The following OR9Q1 variants were observed in gnomAD, a reference collection of about 807,000 sequenced individuals.
The protein encoded by OR9Q1 is olfactory receptor family 9 subfamily Q member 1.
For missense variants in OR9Q1, 374 were observed against 378.8 expected (o/e 0.99, Z 0.11); for synonymous variants, 153 against 148.6 (o/e 1.03, Z -0.22).
chr11:58,044,645 CCT>C (rs1328292068), intron 1 of OR9Q1: 2 of 152,334 alleles, frequency 1.3e-5, no homozygotes, highest in African/African-American at 4.8e-5. Flanking sequence ...CTTTCATTTT[CCT>C]CTTTCTCCAT....
chr11:58,151,626 G>A (rs757992202), intron 2 of OR9Q1, among the ~76,000 whole-genome samples: 13 of 152,124 alleles, frequency 8.5e-5, no homozygotes, highest in Non-Finnish European at 1.2e-4. Context: ...GGATGAATGT[G>A]AACTAAAAAT....
chr11:58,054,878 C>T (rs375627594), intron 1 of OR9Q1, among the ~76,000 whole-genome samples: 46 of 152,274 alleles, frequency 3.0e-4, no homozygotes, highest in Admixed American at 7.8e-4. Flanking sequence ...GAGCCAAGAT[C>T]GCACCACTGC....
At chr11:58,121,156 A>G (rs1239621101) in intron 2 of OR9Q1, among the ~76,000 whole-genome samples, 1 of 142,502 alleles carries the variant, frequency 7.0e-6, no homozygotes, top group African/African-American at 2.4e-5. Context: ...CAAGTCAAAT[A>G]AATGCTCCTT....
intron 2 of OR9Q1, among the ~76,000 whole-genome samples, chr11:58,111,923 A>G (rs972099649): frequency 7.2e-5 from 11 of 152,092 alleles, no homozygotes; most frequent in Admixed American, 2.6e-4. Context: ...TATGTAATCT[A>G]TGCTTCAGGA....
chr11:58,037,648 A>G (rs2119929980), intron 1 of OR9Q1, among the ~76,000 whole-genome samples: 1 of 84,474 alleles, frequency 1.2e-5, no homozygotes, highest in East Asian at 3.4e-4. Flanking sequence ...CTTCTTAAAG[A>G]ATAACTATAT....
At chr11:58,161,063 G>T (rs1239142955) in intron 2 of OR9Q1, among the ~76,000 whole-genome samples, 2 of 151,524 alleles carry the variant, frequency 1.3e-5, no homozygotes, top group Non-Finnish European at 2.9e-5. Flanking sequence ...GGGGACACAG[G>T]GCGGGGAACA....
At chr11:58,038,765 T>A (rs747108420) in intron 1 of OR9Q1, among the ~76,000 whole-genome samples, 4 of 152,200 alleles carry the variant, frequency 2.6e-5, no homozygotes, top group Non-Finnish European at 5.9e-5. Context: ...TGGTCTCTCT[T>A]TTATGGCTCC....
At chr11:58,094,956 ACT>A (rs1344053584) in intron 2 of OR9Q1, among the ~76,000 whole-genome samples, 1 of 152,168 alleles carries the variant, frequency 6.6e-6, no homozygotes, top group African/African-American at 2.4e-5. Context: ...GGGATGATAG[ACT>A]CTGACAAACA....
chr11:58,122,440 C>A (rs567401474), intron 2 of OR9Q1, among the ~76,000 whole-genome samples: 2 of 152,280 alleles, frequency 1.3e-5, no homozygotes, highest in Admixed American at 6.5e-5. Flanking sequence ...ATGGACTTCG[C>A]TTTCTATTCT....
chr11:58,085,502 A>C (rs983083625), intron 2 of OR9Q1, among the ~76,000 whole-genome samples: 4 of 151,838 alleles, frequency 2.6e-5, no homozygotes, highest in African/African-American at 9.7e-5. Flanking sequence ...AGATTTCTAT[A>C]AGTTATTCAT....
chr11:58,152,530 T>C (rs1474631501), intron 2 of OR9Q1, among the ~76,000 whole-genome samples: 1 of 152,226 alleles, frequency 6.6e-6, no homozygotes, highest in Non-Finnish European at 1.5e-5. Flanking sequence ...CTCATTTGTT[T>C]GCATCATTTA....
chr11:58,088,774 GC>G (rs2120059452), intron 2 of OR9Q1, among the ~76,000 whole-genome samples: 1 of 151,838 alleles, frequency 6.6e-6, no homozygotes, highest in East Asian at 1.9e-4. Context: ...TCTGTAGGTT[GC>G]CTGTTCACTC....
intron 2 of OR9Q1, among the ~76,000 whole-genome samples, chr11:58,066,114 C>T (rs2443449): frequency 0.67 from 100,367 of 149,958 alleles, 34,077 homozygotes; most frequent in Middle Eastern, 0.79. Flanking sequence ...CTCCCTCCCT[C>T]CTTCTCTCCC....
At chr11:58,065,660 A>G (rs77814412) in intron 2 of OR9Q1, among the ~76,000 whole-genome samples, 25,907 of 152,122 alleles carry the variant, frequency 0.17, 2,343 homozygotes, top group Non-Finnish European at 0.21. Flanking sequence ...CTTGCCTCTC[A>G]TGGCTTTAGT....
intron 2 of OR9Q1, among the ~76,000 whole-genome samples, chr11:58,082,357 C>T (rs1853595796): frequency 4.6e-5 from 7 of 151,944 alleles, no homozygotes; most frequent in Admixed American, 2.6e-4. Context: ...AAATGTCCAA[C>T]AATGATAGAC....
Position 58,142,285 on chromosome 11 carries a change from T to C in OR9Q1, c.-14-37146T>C, listed in dbSNP as rs115065189. Among the ~76,000 whole-genome samples the C allele has an allele frequency of 9.4e-3, 1,429 of 152,252 alleles. 17 individuals are homozygous for C. Among genetic ancestry groups the C allele is most frequent in the African/African-American group, 0.033 (1,352 of 41,552 alleles). ...GAATGAGCATGAAGGCAGGACCCTT[T>C]GTTTTGTTCCAAGCAACTAGAAAAG... On this transcript the variant is annotated intron_variant, in intron 2 of 2. Coordinates refer to ENST00000335397, the MANE Select transcript of OR9Q1 (RefSeq NM_001005212.4).
At chr11:58,126,857 T>C (rs1183315108) in intron 2 of OR9Q1, among the ~76,000 whole-genome samples, 2 of 152,162 alleles carry the variant, frequency 1.3e-5, no homozygotes, top group Non-Finnish European at 2.9e-5. Context: ...GACTATACAG[T>C]AGATATTACC....
chr11:58,146,538 A>C (rs1196142698), intron 2 of OR9Q1, among the ~76,000 whole-genome samples: 1 of 152,224 alleles, frequency 6.6e-6, no homozygotes, highest in Non-Finnish European at 1.5e-5. Flanking sequence ...TTCCTTCAGC[A>C]TGGAGATTAG....
chr11:58,175,280 A>G (rs1196351397), intron 2 of OR9Q1, among the ~76,000 whole-genome samples: 2 of 152,132 alleles, frequency 1.3e-5, no homozygotes, highest in Non-Finnish European at 2.9e-5. Context: ...GTCAGATGGT[A>G]GCGGACAGTC....
Sources: gnomAD v4.1 joint callset for allele counts (sites outside exome capture counted in the v4.1 genomes callset) on GRCh38, gnomAD v4.1.1 for gene constraint, MANE v1.5 for transcripts, NCBI Gene and HGNC (gene_info 2026-07-23, HGNC 2026-07-21) for gene names.